The following PRAMEF11 variants were observed in gnomAD, a reference collection of about 807,000 sequenced individuals.
The protein encoded by PRAMEF11 is PRAME family member 11.
In PRAMEF11, 17 loss-of-function variants were observed where a neutral mutation model predicts 33.6. The ratio of observed to expected loss-of-function variants is 0.51; its 90% CI spans 0.35 to 0.76. PRAMEF11 has a LOEUF of 0.76. Among genes scored for constraint, PRAMEF11 ranks in the 30% least tolerant of loss-of-function variants. The pLI is 0.01. For missense variants in PRAMEF11, 568 were observed against 567.0 expected (o/e 1.00, Z -0.02); for synonymous variants, 205 against 227.3 (o/e 0.90, Z 0.88).
Position 12,825,506 on chromosome 1 carries a change from G to T in PRAMEF11, c.876-3C>A. The T allele has an allele frequency of 1.2e-6, 1 of 850,390 alleles. No individual in the cohort carries two copies. The highest frequency in any genetic ancestry group is 1.8e-6 in the Non-Finnish European group (1 of 570,042). 52.7% of individuals were successfully genotyped at this position (850,390 alleles called of 1,614,324 possible). ...CCTTTAACGAGGTCTTCAGACAGCTGGGGAGAGAGAGCAAGAAGTTAATTC... is the reference window on the plus strand; with the variant it reads ...CCTTTAACGAGGTCTTCAGACAGCTTGGGAGAGAGAGCAAGAAGTTAATTC... On this transcript the variant is annotated splice_polypyrimidine_tract_variant and splice_region_variant and intron_variant, in intron 3 of 3. Coordinates refer to ENST00000619922, the MANE Select transcript of PRAMEF11 (RefSeq NM_001146344.3).
rs1639818886 is a variant in PRAMEF11, at chr1:12,824,783, G to A, written c.*159C>T. 2 of 1,189,270 alleles carry A rather than the reference G, an allele frequency of 1.7e-6. No individual in the cohort carries two copies. Among genetic ancestry groups the A allele is most frequent in the Non-Finnish European group, 2.4e-6 (2 of 850,350 alleles). 73.7% of individuals were successfully genotyped at this position (1,189,270 alleles called of 1,614,324 possible). A position where few individuals can be genotyped will look rare whatever the true frequency, so the allele number is the denominator to read the frequency against. ...GAATCCATGGCAACATTTCCCCCAAGTCCTGCCCCTGCTTGATCAGCTTTC... is the reference window on the plus strand; with the variant it reads ...GAATCCATGGCAACATTTCCCCCAAATCCTGCCCCTGCTTGATCAGCTTTC... On this transcript the variant is annotated 3_prime_UTR_variant, in exon 4 of 4. Transcript: ENST00000619922.
rs1640003330 is a variant in PRAMEF11, at chr1:12,831,356, C to T, written c.-17G>A. The T allele has an allele frequency of 6.6e-6, 1 of 151,030 alleles. No individual in the cohort carries two copies. The highest frequency in any genetic ancestry group is 2.4e-5 in the African/African-American group (1 of 41,180). 9.4% of individuals were successfully genotyped at this position (151,030 alleles called of 1,614,324 possible). A position where few individuals can be genotyped will look rare whatever the true frequency, so the allele number is the denominator to read the frequency against. ...GTCCTTACAGAAATTAGTGACTTACCAGATCTGGATGTAGTCTAGAAGGTG... is the reference window on the plus strand; with the variant it reads ...GTCCTTACAGAAATTAGTGACTTACTAGATCTGGATGTAGTCTAGAAGGTG... On this transcript the variant is annotated splice_region_variant and 5_prime_UTR_variant, in exon 1 of 4. Coordinates refer to ENST00000619922, the MANE Select transcript of PRAMEF11 (RefSeq NM_001146344.3).
At chr1:12,829,143 A>G (rs544141584) in intron 1 of PRAMEF11, among the ~76,000 whole-genome samples, 1 of 151,590 alleles carries the variant, frequency 6.6e-6, no homozygotes, top group East Asian at 2.0e-4. Flanking sequence ...AACAATGGGA[A>G]TGGGAGTGTC....
chr1:12,829,562 A>G (rs1289347197), intron 1 of PRAMEF11, among the ~76,000 whole-genome samples: 1 of 151,206 alleles, frequency 6.6e-6, no homozygotes, highest in African/African-American at 2.4e-5. Context: ...CACCACACCC[A>G]GCTCATCTTT....
intron 1 of PRAMEF11, among the ~76,000 whole-genome samples, chr1:12,830,062 A>T (rs1052815149): frequency 2.6e-5 from 4 of 151,420 alleles, no homozygotes; most frequent in African/African-American, 9.7e-5. Flanking sequence ...TTTTACTAAT[A>T]TGTGTCCTTC....
intron 1 of PRAMEF11, among the ~76,000 whole-genome samples, chr1:12,829,841 C>T (rs1011768423): frequency 6.6e-6 from 1 of 151,216 alleles, no homozygotes; most frequent in Non-Finnish European, 1.5e-5. Flanking sequence ...CCACTCCACT[C>T]CAGCCTGGGA....
At chr1:12,826,352 A>G (rs1232034837) in intron 3 of PRAMEF11, among the ~76,000 whole-genome samples, 2 of 151,040 alleles carry the variant, frequency 1.3e-5, no homozygotes, top group Admixed American at 1.3e-4. Context: ...AGATGGGATC[A>G]TTCATGTTCA....
intron 3 of PRAMEF11, 79 bp downstream of exon 3, chr1:12,827,170 C>G: frequency 1.3e-6 from 2 of 1,564,180 alleles, no homozygotes; most frequent in Non-Finnish European, 1.7e-6. Context: ...CATAGGCTGG[C>G]TCACAGTAGA....
At chr1:12,829,950 A>T (rs1243498461) in intron 1 of PRAMEF11, among the ~76,000 whole-genome samples, 1 of 151,412 alleles carries the variant, frequency 6.6e-6, no homozygotes, top group Non-Finnish European at 1.5e-5. Context: ...ACTTTCTTAA[A>T]TATTAACTGA....
intron 3 of PRAMEF11, 118 bp downstream of exon 3, chr1:12,827,131 T>G: frequency 6.4e-7 from 1 of 1,565,722 alleles, no homozygotes; most frequent in Non-Finnish European, 8.6e-7. Flanking sequence ...TGCATGGACA[T>G]TCTAGTGTCC....
At position 12,825,061 on chromosome 1, in the gene PRAMEF11, G is replaced by C. The variant is rs1310994899; in HGVS notation, c.1318C>G (p.Leu440Val). Residue 440 changes from leucine to valine, a missense_variant, in exon 4 of 4, where the codon CTG (leucine) becomes GTG (valine). Physicochemically the swap from Leu to Val is conservative, Grantham distance 32. Around this residue, in one of 3 missense-constraint regions of PRAMEF11, gnomAD observed 174 missense variants for 127.2 expected, o/e 1.37. Transcript: ENST00000619922. ...WSRFAQIRAE[L>V]MKKVRHLRHP... ...CTTAAGTGCCTCACTTTCTTCATCA[G>C]CTCAGCCCTAATTTGAGCAAATCTG... is the stretch of plus-strand genomic sequence containing the variant. The C allele has an allele frequency of 2.5e-6, 4 of 1,609,650 alleles. No homozygotes were observed. Among genetic ancestry groups the C allele is most frequent in the Non-Finnish European group, 2.5e-6 (3 of 1,177,742 alleles).
rs370038918 is a variant in PRAMEF11 at position 12,824,938 on chromosome 1, G to T, written c.*4C>A. ...TTGACATACCCATCCAAATAGGCAGGCATTCAACAGCAGTATTGATCTGCC... is the reference window on the plus strand; with the variant it reads ...TTGACATACCCATCCAAATAGGCAGTCATTCAACAGCAGTATTGATCTGCC... On this transcript the variant is annotated 3_prime_UTR_variant, in exon 4 of 4. Transcript: ENST00000619922. The T allele has an allele frequency of 9.8e-5, 157 of 1,608,666 alleles. 7 individuals carry two copies. The East Asian group carries it at 1.3e-3, about 13-fold the overall frequency.
At chr1:12,826,147 C>G (rs1639860088) in intron 3 of PRAMEF11, among the ~76,000 whole-genome samples, 1 of 150,922 alleles carries the variant, frequency 6.6e-6, no homozygotes, top group Non-Finnish European at 1.5e-5. Flanking sequence ...AAAGGACAAA[C>G]CCAGACAGGA....
rs986838867 is a variant in PRAMEF11, at chr1:12,829,700, G to A, written c.-16-895C>T. 3.4e-4 allele frequency among the ~76,000 whole-genome samples: 52 copies of A among 151,362 alleles called. 3 individuals carry two copies. Among genetic ancestry groups the A allele is most frequent in the Non-Finnish European group, 5.9e-4 (40 of 67,798 alleles). ...AGTGGGATTATAGGTGTGAGCCTCC[G>A]CCCCAGCCTCATTATTGAAAATTTC... On this transcript the variant is annotated intron_variant, in intron 1 of 3. Transcript: ENST00000619922.
At position 12,827,633 on chromosome 1, in the gene PRAMEF11, T is replaced by G. The variant is rs780486770; in HGVS notation, c.491A>C (p.Glu164Ala). 3 of 1,609,622 alleles carry G rather than the reference T, an allele frequency of 1.9e-6. No homozygotes were observed. Among genetic ancestry groups the G allele is most frequent in the Non-Finnish European group, 2.5e-6 (3 of 1,177,690 alleles). Residue 164 changes from glutamate to alanine, a missense_variant, in exon 3 of 4, where the codon GAA (glutamate) becomes GCA (alanine). By Grantham distance (107) the Glu-to-Ala change is moderately radical. Transcript: ENST00000619922. ...ELWLKNRTLD[E>A]YLTCLLLWVK... ...CCATAGAAGGAGGCAGGTGAGGTAT[T>G]CATCCAGAGTCCTGTTCTTGAGCCA... is the stretch of plus-strand genomic sequence containing the variant.
Position 12,828,646 on chromosome 1 carries a change from C to T in PRAMEF11, c.144G>A (p.Arg48=). The T allele has an allele frequency of 6.2e-7, 1 of 1,610,344 alleles. No individual in the cohort carries two copies. Among genetic ancestry groups the T allele is most frequent in the South Asian group, 1.1e-5 (1 of 90,562 alleles). Residue 48 remains arginine, a synonymous_variant, in exon 2 of 4, where the codon AGG becomes AGA. Coordinates refer to ENST00000619922, the MANE Select transcript of PRAMEF11 (RefSeq NM_001146344.3). ...FPPLFMEAFS[R]RRCEALKLMV... ...TCAGCTTCAGGGCCTCACAGCGTCT[C>T]CTGCTGAAGGCCTCCATGAACAGTG...
Position 12,824,863 on chromosome 1 carries a change from G to C in PRAMEF11, c.*79C>G. The stretch of plus-strand genomic sequence containing the variant: ...ACGATGGGTTCTGTGCTCCCTTTAG[G>C]ATGTACCTAAGACCTAGGTTTTAGT... On this transcript the variant is annotated 3_prime_UTR_variant, in exon 4 of 4. Transcript: ENST00000619922. 1 of 1,568,512 alleles carries C rather than the reference G, an allele frequency of 6.4e-7. No individual in the cohort carries two copies. Among genetic ancestry groups the C allele is most frequent in the Non-Finnish European group, 8.7e-7 (1 of 1,148,494 alleles).
rs764827465 is a variant in PRAMEF11, at chr1:12,827,573, C to T, written c.551G>A (p.Cys184Tyr). The change falls in exon 3 of 4, where the codon TGT becomes TAT. Residue 184 changes from cysteine (C) to tyrosine (Y), a missense_variant. Around this residue, in one of 3 missense-constraint regions of PRAMEF11, gnomAD observed 342 missense variants for 312.0 expected, o/e 1.10. Transcript: ENST00000619922. ...CATTCCCAAAATTTTCAGCTTCTTA[C>T]AGCACAGGTGTAGTAAATCTCTCCT... is the stretch of plus-strand genomic sequence containing the variant. ...KQRRDLLHLC[C>Y]KKLKILGMPF... 13 of 1,609,852 alleles carry T rather than the reference C, an allele frequency of 8.1e-6. 2 individuals carry two copies. The South Asian group carries it at 1.3e-4, about 16-fold the overall frequency.
rs755545321 is a variant in PRAMEF11, at chr1:12,827,637, C to G, written c.487G>C (p.Asp163His). Residue 163 changes from aspartate to histidine, a missense_variant, in exon 3 of 4, where the codon GAT becomes CAT. This residue lies in a region of PRAMEF11 where 342 missense variants were observed against 312.0 expected (regional missense o/e 1.10). Transcript: ENST00000619922. ...VELWLKNRTL[D>H]EYLTCLLLWV... The stretch of plus-strand genomic sequence containing the variant: ...AGAAGGAGGCAGGTGAGGTATTCAT[C>G]CAGAGTCCTGTTCTTGAGCCAAAGT... 28 of 1,609,606 alleles carry G rather than the reference C, an allele frequency of 1.7e-5. 1 individual carries two copies. Among genetic ancestry groups the G allele is most frequent in the Non-Finnish European group, 2.3e-5 (27 of 1,177,686 alleles).
Sources: allele counts gnomAD v4.1 joint callset (sites outside exome capture counted in the v4.1 genomes callset), GRCh38; gene constraint gnomAD v4.1.1; regional missense constraint gnomAD v4.1.1; transcripts MANE v1.5; gene names NCBI Gene and HGNC (gene_info 2026-07-23, HGNC 2026-07-21).